Variants in NFIX observed in about 807,000 individuals in gnomAD.
NFIX encodes nuclear factor 1 X-type.
In NFIX, 2 loss-of-function variants were observed where a neutral mutation model predicts 53.3. The observed-to-expected ratio is 0.04, with a 90% CI of 0.02 to 0.12. NFIX has a LOEUF of 0.12. Ranked by LOEUF, NFIX falls within the 10% of genes least tolerant of loss-of-function variation. The probability of loss-of-function intolerance (pLI) is 1.00; values close to 1 mark genes in which losing one functional copy is unlikely to be tolerated. For missense variants in NFIX, 310 were observed against 674.5 expected, an observed-to-expected ratio of 0.46 and a Z score of 5.99; for synonymous variants, 244 against 289.0, an observed-to-expected ratio of 0.84 and a Z score of 1.58.
intron 2 of NFIX, among the ~76,000 whole-genome samples, chr19:13,057,495 A>T (rs1379487875): frequency 6.6e-6 from 1 of 152,096 alleles, no homozygotes; most frequent in African/African-American, 2.4e-5. Context: ...CGCTCCCACC[A>T]AGCCGGCTCC....
intron 1 of NFIX, chr19:13,023,858 C>T (rs2013111536): frequency 3.4e-6 from 2 of 590,634 alleles, no homozygotes; most frequent in Admixed American, 3.2e-5. Flanking sequence ...TTTGAGAATC[C>T]ACCCAAGCCC....
chr19:13,098,559 C>T lies in NFIX; in HGVS notation c.*3910C>T, dbSNP rs2018603485. On this transcript the variant is annotated 3_prime_UTR_variant, in exon 11 of 11. Coordinates refer to ENST00000592199, the MANE Select transcript of NFIX (RefSeq NM_001365902.3). ...CCTCTTCTCTGCCCTCCACCCCCGTCTCTGCACTGAGATACATAAGAAACA... is the reference window on the plus strand; with the variant it reads ...CCTCTTCTCTGCCCTCCACCCCCGTTTCTGCACTGAGATACATAAGAAACA... 1 of 150,910 alleles carries T rather than the reference C, an allele frequency of 6.6e-6. No individual in the cohort carries two copies. Among genetic ancestry groups the T allele is most frequent in the African/African-American group, 2.5e-5 (1 of 40,652 alleles). The allele number at this position is 150,910 out of a possible 1,614,324, so 9.3% of individuals were successfully genotyped here.
chr19:13,080,790 G>A (rs1168502128), intron 7 of NFIX, among the ~76,000 whole-genome samples: 4 of 150,314 alleles, frequency 2.7e-5, no homozygotes, highest in African/African-American at 9.8e-5. Context: ...CACAAGGTCA[G>A]GAGATCGAGA....
chr19:13,035,986 A>G (rs995089850), intron 2 of NFIX, among the ~76,000 whole-genome samples: 1 of 152,190 alleles, frequency 6.6e-6, no homozygotes. Context: ...CCAACAGGGC[A>G]TGTACTGGTG....
intron 1 of NFIX, among the ~76,000 whole-genome samples, chr19:13,003,783 T>C (rs1318901224): frequency 6.6e-6 from 1 of 151,958 alleles, no homozygotes; most frequent in Non-Finnish European, 1.5e-5. Flanking sequence ...GGAATACAGG[T>C]GCATGCCACC....
At chr19:13,023,869 G>A (rs1476426711) in intron 1 of NFIX, 5 of 626,106 alleles carry the variant, frequency 8.0e-6, no homozygotes, top group South Asian at 5.6e-5. Flanking sequence ...ACCCAAGCCC[G>A]GCCCCTATTC....
At chr19:13,015,946 C>T (rs541871740) in intron 1 of NFIX, among the ~76,000 whole-genome samples, 13 of 152,310 alleles carry the variant, frequency 8.5e-5, no homozygotes, top group African/African-American at 3.1e-4. Context: ...TTTGATGATA[C>T]TGGTGTGACA....
rs1375924003 is a variant in NFIX at position 13,098,090 on chromosome 19, ACGCC to A, written c.*3442_*3445del. ...TCTCACCCCCGTGCTGGCGGAGCGG[ACGCC>A]GCGCTCTGGGTCCCAGAGGGGCCGG... On this transcript the variant is annotated 3_prime_UTR_variant, in exon 11 of 11. Coordinates refer to ENST00000592199, the MANE Select transcript of NFIX (RefSeq NM_001365902.3). The A allele has an allele frequency of 6.6e-6, 1 of 151,800 alleles. No homozygotes were observed. Among genetic ancestry groups the A allele is most frequent in the Non-Finnish European group, 1.5e-5 (1 of 68,232 alleles). 9.4% of individuals were successfully genotyped at this position (151,800 alleles called of 1,614,324 possible).
chr19:13,010,247 C>T (rs377039142), intron 1 of NFIX, among the ~76,000 whole-genome samples: 1 of 152,216 alleles, frequency 6.6e-6, no homozygotes, highest in Non-Finnish European at 1.5e-5. Context: ...GATCCGGGCT[C>T]AGCTGGGTCC....
chr19:13,003,072 T>C (rs1489342296), intron 1 of NFIX, among the ~76,000 whole-genome samples: 1 of 151,808 alleles, frequency 6.6e-6, no homozygotes, highest in Non-Finnish European at 1.5e-5. Context: ...CGTCCAAATA[T>C]CGGCTTCGGT....
chr19:13,061,292 C>T (rs1385057162), intron 2 of NFIX, among the ~76,000 whole-genome samples: 1 of 152,222 alleles, frequency 6.6e-6, no homozygotes, highest in Non-Finnish European at 1.5e-5. Context: ...CTAATCAATG[C>T]GAACGGGAAA....
intron 6 of NFIX, among the ~76,000 whole-genome samples, chr19:13,076,649 T>C (rs926073677): frequency 2.6e-5 from 4 of 152,204 alleles, no homozygotes; most frequent in African/African-American, 9.7e-5. Context: ...CTGGGCATCA[T>C]TCTCCTCCTC....
At chr19:13,075,870 C>T (rs1044382179) in intron 6 of NFIX, among the ~76,000 whole-genome samples, 199 bp downstream of exon 6, 4 of 152,120 alleles carry the variant, frequency 2.6e-5, no homozygotes, top group African/African-American at 7.2e-5. Context: ...AGGAGGGGTG[C>T]TGTGAGAGTC....
rs983108674 is a variant in NFIX, at chr19:13,049,072, G to A, written c.559+23520G>A. On this transcript the variant is annotated intron_variant, in intron 2 of 10. Transcript: ENST00000592199. This position sits in a 1 kb window ranked among gnomAD's most constrained non-coding sequence, Gnocchi z 4.5. ...AGCCTGGGCGACAGAGCAAGACTCT[G>A]TCTAAAAAAAAACAAAACAAAACAA... 1.3e-5 allele frequency among the ~76,000 whole-genome samples: 2 copies of A among 151,674 alleles called. No homozygotes were observed. Among genetic ancestry groups the A allele is most frequent in the Admixed American group, 1.3e-4 (2 of 15,218 alleles).
intron 2 of NFIX, among the ~76,000 whole-genome samples, chr19:13,039,726 A>T (rs957207658): frequency 6.6e-6 from 1 of 152,188 alleles, no homozygotes; most frequent in African/African-American, 2.4e-5. Context: ...GATACTTAGC[A>T]TGCAGTTTTT....
At chr19:13,086,917 G>A (rs1042964520) in intron 8 of NFIX, among the ~76,000 whole-genome samples, 2 of 152,236 alleles carry the variant, frequency 1.3e-5, no homozygotes, top group South Asian at 2.1e-4. Flanking sequence ...CTTGCTCACC[G>A]ATAGGAGGAG....
Position 13,040,865 on chromosome 19 carries a change from T to C in NFIX, c.559+15313T>C, listed in dbSNP as rs1285203918. 6.6e-6 allele frequency among the ~76,000 whole-genome samples: 1 copy of C among 152,200 alleles called. No homozygotes were observed. Among genetic ancestry groups the C allele is most frequent in the Non-Finnish European group, 1.5e-5 (1 of 68,032 alleles). ...CCTCGGATCTTAGAACTGTTTCCAG[T>C]AGTTTTTGAGTGAATTCCGAGCACT... On this transcript the variant is annotated intron_variant, in intron 2 of 10. Coordinates refer to ENST00000592199, the MANE Select transcript of NFIX (RefSeq NM_001365902.3). This position sits in a 1 kb window ranked among gnomAD's most constrained non-coding sequence, Gnocchi z 4.2.
intron 1 of NFIX, among the ~76,000 whole-genome samples, chr19:13,019,465 T>C (rs1330228905): frequency 6.6e-6 from 1 of 152,174 alleles, no homozygotes; most frequent in Non-Finnish European, 1.5e-5. Context: ...TTTTCTGTCT[T>C]CTTATTTTTC....
At chr19:13,041,799 A>C (rs1399328427) in intron 2 of NFIX, among the ~76,000 whole-genome samples, 1 of 133,070 alleles carries the variant, frequency 7.5e-6, no homozygotes, top group Admixed American at 7.0e-5. Context: ...GTCTCAAAAA[A>C]AAAAAAAAAA....
Sources: gnomAD v4.1 joint callset for allele counts (sites outside exome capture counted in the v4.1 genomes callset) on GRCh38, gnomAD v4.1.1 for gene constraint, Gnocchi (gnomAD v3.1) non-coding constraint, MANE v1.5 for transcripts, NCBI Gene and HGNC (gene_info 2026-07-23, HGNC 2026-07-21) for gene names.